The following AGBL4 variants were observed in gnomAD, a reference collection of about 807,000 sequenced individuals.
The protein encoded by AGBL4 is cytosolic carboxypeptidase 6.
AGBL4 carries 58 observed loss-of-function variants against 66.4 expected under a neutral mutation model. The ratio of observed to expected loss-of-function variants is 0.87; its 90% CI spans 0.71 to 1.09. The LOEUF (loss-of-function observed/expected upper bound fraction) is 1.09. Ranked by LOEUF, AGBL4 falls within the 50% of genes least tolerant of loss-of-function variation. The pLI, the probability that AGBL4 is intolerant of heterozygous loss-of-function variation, is 0.00. For missense variants in AGBL4, 579 were observed against 631.0 expected (o/e 0.92, Z 0.88); for synonymous variants, 234 against 222.9 (o/e 1.05, Z -0.44).
At chr1:49,270,233 T>G (rs1282631660) in intron 3 of AGBL4, among the ~76,000 whole-genome samples, 1 of 152,176 alleles carries the variant, frequency 6.6e-6, no homozygotes, top group African/African-American at 2.4e-5. Flanking sequence ...TTCTGTGCTA[T>G]TCTGTCATAA....
intron 5 of AGBL4, among the ~76,000 whole-genome samples, chr1:48,951,343 T>G (rs113271565): frequency 6.6e-6 from 1 of 152,144 alleles, no homozygotes; most frequent in Non-Finnish European, 1.5e-5. Context: ...TAATCACATG[T>G]GAAGAGAGTT....
intron 6 of AGBL4, among the ~76,000 whole-genome samples, chr1:48,864,728 G>C (rs1647826367): frequency 6.6e-6 from 1 of 152,074 alleles, no homozygotes; most frequent in Non-Finnish European, 1.5e-5. Context: ...TTGATACAAA[G>C]ATAAGGAAAA....
chr1:49,428,262 G>A (rs1645710968), intron 3 of AGBL4, among the ~76,000 whole-genome samples: 1 of 152,122 alleles, frequency 6.6e-6, no homozygotes, highest in South Asian at 2.1e-4. Flanking sequence ...TTAATGTTTT[G>A]TTTTATTTTT....
intron 10 of AGBL4, among the ~76,000 whole-genome samples, 188 bp downstream of exon 10, chr1:48,590,645 C>T (rs538054468): frequency 6.6e-6 from 1 of 152,298 alleles, no homozygotes; most frequent in South Asian, 2.1e-4. Context: ...GTCTCCCACC[C>T]TGACTGGTGA....
At chr1:49,389,500 T>C (rs1284998604) in intron 3 of AGBL4, among the ~76,000 whole-genome samples, 1 of 152,134 alleles carries the variant, frequency 6.6e-6, no homozygotes, top group Non-Finnish European at 1.5e-5. Context: ...TGATAAACAG[T>C]AGAGCTAGTA....
intron 1 of AGBL4, among the ~76,000 whole-genome samples, chr1:49,880,827 G>A (rs1647220687): frequency 1.3e-5 from 2 of 151,676 alleles, no homozygotes; most frequent in Non-Finnish European, 2.9e-5. Flanking sequence ...GTGGGCGTAG[G>A]GCCCTCCGAG....
At chr1:48,965,921 T>C (rs553213956) in intron 5 of AGBL4, among the ~76,000 whole-genome samples, 2 of 152,306 alleles carry the variant, frequency 1.3e-5, no homozygotes, top group East Asian at 3.9e-4. Flanking sequence ...CATTGTATTA[T>C]ATTTGGGAGG....
chr1:49,923,972 A>G (rs753960726), intron 1 of AGBL4, among the ~76,000 whole-genome samples: 1 of 152,226 alleles, frequency 6.6e-6, no homozygotes, highest in Admixed American at 6.5e-5. Flanking sequence ...ACTAGAGTAT[A>G]TACCCAAACG....
intron 3 of AGBL4, among the ~76,000 whole-genome samples, chr1:49,285,189 T>C (rs1644375587): frequency 6.6e-6 from 1 of 151,972 alleles, no homozygotes; most frequent in South Asian, 2.1e-4. Context: ...CACAGTGAAA[T>C]GAAAATAGCA....
intron 3 of AGBL4, among the ~76,000 whole-genome samples, chr1:49,637,986 G>C (rs1645711344): frequency 6.6e-6 from 1 of 152,034 alleles, no homozygotes; most frequent in African/African-American, 2.4e-5. Context: ...TAAAACAATA[G>C]GATGAAATTT....
chr1:48,847,275 G>C (rs541226053), intron 6 of AGBL4, among the ~76,000 whole-genome samples: 3 of 152,186 alleles, frequency 2.0e-5, no homozygotes, highest in Non-Finnish European at 2.9e-5. Context: ...ACTCTAGCCT[G>C]GGCAACAAGA....
intron 4 of AGBL4, among the ~76,000 whole-genome samples, chr1:49,151,283 T>A (rs10749683): frequency 0.76 from 97,959 of 128,318 alleles, 38,308 homozygotes; most frequent in Middle Eastern, 0.89. Context: ...AAAAAAAAAA[T>A]ATATATATAT....
At chr1:49,210,945 G>A (rs1648618484) in intron 4 of AGBL4, among the ~76,000 whole-genome samples, 2 of 151,982 alleles carry the variant, frequency 1.3e-5, no homozygotes, top group Admixed American at 1.3e-4. Context: ...TATGACCATG[G>A]AAATAGCAGC....
chr1:49,565,548 C>A (rs1306310787), intron 3 of AGBL4, among the ~76,000 whole-genome samples: 1 of 152,122 alleles, frequency 6.6e-6, no homozygotes, highest in Non-Finnish European at 1.5e-5. Flanking sequence ...GATTTTATTT[C>A]TCCTTCATGT....
intron 6 of AGBL4, among the ~76,000 whole-genome samples, chr1:48,812,429 C>T (rs536488594): frequency 6.6e-6 from 1 of 152,248 alleles, no homozygotes; most frequent in East Asian, 1.9e-4. Context: ...TGCTCCTGGA[C>T]AACACTGCGC....
chr1:49,333,043 T>G (rs1645365319), intron 3 of AGBL4, among the ~76,000 whole-genome samples: 1 of 152,232 alleles, frequency 6.6e-6, no homozygotes, highest in African/African-American at 2.4e-5. Flanking sequence ...TTCATATGTT[T>G]TTTGGCTGCA....
intron 3 of AGBL4, among the ~76,000 whole-genome samples, chr1:49,536,270 C>T (rs1455385085): frequency 6.6e-6 from 1 of 152,014 alleles, no homozygotes; most frequent in African/African-American, 2.4e-5. Flanking sequence ...TTTAGAGCCC[C>T]CTGTGTGTCT....
chr1:49,673,365 T>C (rs1290605378), intron 3 of AGBL4, among the ~76,000 whole-genome samples: 2 of 152,202 alleles, frequency 1.3e-5, no homozygotes, highest in Non-Finnish European at 2.9e-5. Context: ...AACTGCAGGA[T>C]CATAAGGTAG....
intron 5 of AGBL4, among the ~76,000 whole-genome samples, chr1:48,996,803 T>TTTCTTTCCTTCCTCCCTTCCTTCC (rs2148985640): frequency 1.0e-5 from 1 of 99,662 alleles, no homozygotes. Context: ...GGCCAAGGAA[T>TTTCTTTCCTTCCTCCCTTCCTTCC]TTCCTTCCTT....
Sources: allele counts gnomAD v4.1 joint callset (sites outside exome capture counted in the v4.1 genomes callset), GRCh38; gene constraint gnomAD v4.1.1; transcripts MANE v1.5; gene names NCBI Gene and HGNC (gene_info 2026-07-23, HGNC 2026-07-21).